Variants in SHANK2 observed in about 807,000 individuals in gnomAD.
The protein encoded by SHANK2 is SH3 and multiple ankyrin repeat domains 2.
A neutral mutation model predicts 133.7 loss-of-function variants in SHANK2; 43 were observed. That is an observed-to-expected ratio of 0.32 (90% CI 0.25 to 0.41). The LOEUF (loss-of-function observed/expected upper bound fraction) is 0.41. Ranked by LOEUF, SHANK2 falls within the 10% of genes least tolerant of loss-of-function variation. The probability of loss-of-function intolerance (pLI) is 1.00; values close to 1 mark genes in which losing one functional copy is unlikely to be tolerated. For synonymous variants in SHANK2, 1,017 were observed against 952.8 expected (o/e 1.07, Z -1.24); for missense variants, 1,994 against 2,235.8 (o/e 0.89, Z 2.18).
At chr11:70,887,122 C>T (rs1192765383) in intron 11 of SHANK2, among the ~76,000 whole-genome samples, 1 of 152,230 alleles carries the variant, frequency 6.6e-6, no homozygotes. Flanking sequence ...AATGTGTGCA[C>T]GACTGTTTCA....
chr11:70,578,924 C>T (rs575052787), intron 17 of SHANK2, among the ~76,000 whole-genome samples: 3 of 152,322 alleles, frequency 2.0e-5, no homozygotes, highest in African/African-American at 7.2e-5. Flanking sequence ...GATGGGCGGC[C>T]TCCCCTTACA....
chr11:70,896,436 G>C, intron 11 of SHANK2, 65 bp downstream of exon 11: 1 of 666,282 alleles, frequency 1.5e-6, no homozygotes, highest in East Asian at 2.8e-5. Flanking sequence ...AAGCTGGTGA[G>C]TGACTGATTC....
chr11:70,914,155 C>T (rs1189748059), intron 10 of SHANK2, among the ~76,000 whole-genome samples: 1 of 152,240 alleles, frequency 6.6e-6, no homozygotes. Flanking sequence ...GTTACAGGGC[C>T]CTGAGAAGGC....
rs782421437 is a variant in SHANK2, at chr11:71,092,904, T to C, written c.745-315A>G. ...AAAAATACAAAAAAAATAGCCAGCG[T>C]GGTGGCAGGTGTCTGTAATCCCAGC... On this transcript the variant is annotated intron_variant, in intron 7 of 25. Coordinates refer to ENST00000601538, the MANE Select transcript of SHANK2 (RefSeq NM_012309.5). Among the ~76,000 whole-genome samples, 44 of 151,884 alleles carry C rather than the reference T, an allele frequency of 2.9e-4. 1 individual carries two copies. Among genetic ancestry groups the C allele is most frequent in the South Asian group, 1.0e-3 (5 of 4,812 alleles).
intron 15 of SHANK2, among the ~76,000 whole-genome samples, chr11:70,675,608 G>A (rs1481545923): frequency 1.3e-5 from 2 of 152,192 alleles, no homozygotes; most frequent in African/African-American, 2.4e-5. Context: ...CAGGGGAGGC[G>A]TTGGTCCTAG....
intron 2 of SHANK2, among the ~76,000 whole-genome samples, chr11:71,157,084 G>A (rs1248903719): frequency 2.0e-5 from 3 of 152,220 alleles, no homozygotes; most frequent in African/African-American, 7.2e-5. Context: ...CCTGCACGTT[G>A]TGCACATGTA....
At chr11:70,709,929 T>A (rs1179348669) in intron 14 of SHANK2, among the ~76,000 whole-genome samples, 1 of 152,044 alleles carries the variant, frequency 6.6e-6, no homozygotes, top group Non-Finnish European at 1.5e-5. Flanking sequence ...GAGTCTATGC[T>A]TTCAGGGACG....
intron 8 of SHANK2, among the ~76,000 whole-genome samples, chr11:71,091,885 C>T (rs1951525059): frequency 6.6e-6 from 1 of 152,218 alleles, no homozygotes; most frequent in Non-Finnish European, 1.5e-5. Context: ...TCTACCTGAT[C>T]AGGTAAAGAC....
At chr11:70,558,696 CT>C (rs11333255) in intron 17 of SHANK2, among the ~76,000 whole-genome samples, 88,872 of 151,990 alleles carry the variant, frequency 0.58, 26,289 homozygotes, top group South Asian at 0.72. Flanking sequence ...AGATTCTACA[CT>C]TGGGCACTGG....
At chr11:70,820,048 G>A (rs938164974) in intron 12 of SHANK2, among the ~76,000 whole-genome samples, 1 of 152,140 alleles carries the variant, frequency 6.6e-6, no homozygotes, top group African/African-American at 2.4e-5. Context: ...CAAGAAGTCA[G>A]TACACAAGGA....
intron 15 of SHANK2, among the ~76,000 whole-genome samples, chr11:70,671,832 T>C (rs569334512): frequency 6.6e-6 from 1 of 152,236 alleles, no homozygotes; most frequent in African/African-American, 2.4e-5. Flanking sequence ...GCACGGACTC[T>C]GCGGTGCCAG....
chr11:70,769,877 T>C (rs4980551), intron 14 of SHANK2, among the ~76,000 whole-genome samples: 142,840 of 152,272 alleles, frequency 0.94, 67,080 homozygotes, highest in Middle Eastern at 0.96. Flanking sequence ...AGGTCTGTGG[T>C]TGCATGTGTT....
At chr11:70,854,404 C>T (rs148665204) in intron 11 of SHANK2, among the ~76,000 whole-genome samples, 27 of 152,138 alleles carry the variant, frequency 1.8e-4, no homozygotes, top group Non-Finnish European at 3.7e-4. Flanking sequence ...CTGTTACTAG[C>T]ACTCAGCCCA....
rs193154772 is a variant in SHANK2 at position 70,939,371 on chromosome 11, G to A, written c.1108-42804C>T. On this transcript the variant is annotated intron_variant, in intron 10 of 25. Coordinates refer to ENST00000601538, the MANE Select transcript of SHANK2 (RefSeq NM_012309.5). The stretch of plus-strand genomic sequence containing the variant: ...TACGTGCCTGTAGTCCCAGCTACTC[G>A]GGAGGCTGAGGAAGGAGAATCACTT... Among the ~76,000 whole-genome samples, 19 of 152,228 alleles carry A rather than the reference G, an allele frequency of 1.2e-4. No homozygotes were observed. In the East Asian group the frequency reaches 3.3e-3, roughly 26 times the overall value.
chr11:71,240,078 G>A (rs768563165), intron 1 of SHANK2, among the ~76,000 whole-genome samples: 54 of 152,144 alleles, frequency 3.5e-4, no homozygotes, highest in Non-Finnish European at 5.1e-4. Context: ...CTCGTTCTTC[G>A]GGAGAATGAA....
chr11:71,064,871 C>A (rs1307936375), intron 9 of SHANK2, among the ~76,000 whole-genome samples: 1 of 152,074 alleles, frequency 6.6e-6, no homozygotes, highest in South Asian at 2.1e-4. Context: ...GGGCCATTGG[C>A]AAGGAGCAGA....
At chr11:71,230,385 C>T (rs547733739) in intron 1 of SHANK2, among the ~76,000 whole-genome samples, 10 of 151,372 alleles carry the variant, frequency 6.6e-5, no homozygotes, top group East Asian at 5.8e-4. Flanking sequence ...ATCAAGACCA[C>T]GGTGAAACCC....
intron 21 of SHANK2, among the ~76,000 whole-genome samples, chr11:70,496,429 ACAGGCTG>A (rs1555157098): frequency 6.6e-6 from 1 of 152,188 alleles, no homozygotes; most frequent in African/African-American, 2.4e-5. Flanking sequence ...CCCAAAATGA[ACAGGCTG>A]CAGGCTGCGA....
At chr11:70,640,739 G>C (rs2061168064) in intron 17 of SHANK2, among the ~76,000 whole-genome samples, 1 of 152,234 alleles carries the variant, frequency 6.6e-6, no homozygotes, top group Non-Finnish European at 1.5e-5. Flanking sequence ...GTCCCTCAAG[G>C]CTGGGCTCTG....
Sources: allele counts gnomAD v4.1 joint callset (sites outside exome capture counted in the v4.1 genomes callset), GRCh38; gene constraint gnomAD v4.1.1; transcripts MANE v1.5; gene names NCBI Gene and HGNC (gene_info 2026-07-23, HGNC 2026-07-21).